The following ZNF398 variants were observed in gnomAD, a reference collection of about 807,000 sequenced individuals.
ZNF398 encodes the protein zinc finger protein 398, also known as zinc finger DNA binding protein ZER6.
In ZNF398, 18 loss-of-function variants were observed where a neutral mutation model predicts 41.9. The ratio of observed to expected loss-of-function variants is 0.43; its 90% CI spans 0.30 to 0.64. The LOEUF (loss-of-function observed/expected upper bound fraction) is 0.64, where lower values mean the gene tolerates loss of function less well. ZNF398 is among the 30% of genes least tolerant of loss of function. ZNF398 has a pLI of 0.14. For synonymous variants in ZNF398, 260 were observed against 308.8 expected (o/e 0.84, Z 1.66); for missense variants, 669 against 822.8 (o/e 0.81, Z 2.29).
rs764525821 is a variant in ZNF398 at position 149,154,282 on chromosome 7, G to T, written c.362G>T (p.Arg121Leu). ...RRLENLENLL[R>L]NRNFWILRLP... ...CTGGAGAACTTGGAGAACCTGCTGC[G>T]CAACAGGAACTTCTGGATCCTGCGG... The change falls in exon 2 of 6, where the codon CGC (arginine) becomes CTC (leucine). Residue 121 changes from arginine to leucine, a missense_variant. Coordinates refer to ENST00000475153, the MANE Select transcript of ZNF398 (RefSeq NM_170686.3). 24 of 1,613,948 alleles carry T rather than the reference G, an allele frequency of 1.5e-5. No homozygotes were observed. Among genetic ancestry groups the T allele is most frequent in the African/African-American group, 1.2e-4 (9 of 74,912 alleles).
intron 2 of ZNF398, among the ~76,000 whole-genome samples, chr7:149,133,925 A>G (rs1197114683): frequency 5.3e-5 from 7 of 133,326 alleles, no homozygotes; most frequent in Non-Finnish European, 8.0e-5. Flanking sequence ...CTAATTTTGT[A>G]TTTTTAGTAG....
chr7:149,173,547 T>C (rs183274277), intron 4 of ZNF398, among the ~76,000 whole-genome samples: 180 of 152,292 alleles, frequency 1.2e-3, no homozygotes, highest in Non-Finnish European at 1.9e-3. Context: ...GTAGAATGGA[T>C]GTTGTTTTAC....
chr7:149,151,543 T>C (rs951998002), intron 1 of ZNF398, among the ~76,000 whole-genome samples: 1 of 152,198 alleles, frequency 6.6e-6, no homozygotes, highest in East Asian at 1.9e-4. Flanking sequence ...CCTTTTATAC[T>C]ACTCTTTGTT....
At chr7:149,135,879 C>T (rs1396513936) in intron 2 of ZNF398, among the ~76,000 whole-genome samples, 1 of 152,016 alleles carries the variant, frequency 6.6e-6, no homozygotes, top group Non-Finnish European at 1.5e-5. Context: ...TCACTTGACC[C>T]CAGGAGGCGG....
chr7:149,148,687 C>T (rs548060161), intron 1 of ZNF398, among the ~76,000 whole-genome samples: 29 of 152,116 alleles, frequency 1.9e-4, no homozygotes, highest in Admixed American at 1.9e-3. Context: ...CTGTGTTGTG[C>T]CAGTCCTGGC....
intron 2 of ZNF398, among the ~76,000 whole-genome samples, chr7:149,138,200 T>A (rs777977438): frequency 1.4e-4 from 19 of 132,248 alleles, no homozygotes; most frequent in Non-Finnish European, 2.5e-4. Context: ...AAACTCTGTC[T>A]CAAAAAAAAA....
chr7:149,148,639 C>CT (rs200063020), intron 1 of ZNF398: 171 of 232,656 alleles, frequency 7.3e-4, no homozygotes, highest in Non-Finnish European at 9.5e-4. Flanking sequence ...TTTTTCCAAC[C>CT]TTTTTTTTTG....
chr7:149,144,587 AT>A (rs566119090), upstream of ZNF398, among the ~76,000 whole-genome samples: 2,918 of 138,004 alleles, frequency 0.021, 81 homozygotes, highest in African/African-American at 0.071. Context: ...CGGCTACTAC[AT>A]TTTTTTTTTT....
intron 2 of ZNF398, among the ~76,000 whole-genome samples, chr7:149,138,222 A>T (rs1826753835): frequency 6.6e-6 from 1 of 151,694 alleles, no homozygotes; most frequent in South Asian, 2.1e-4. Flanking sequence ...AGAAAAAAAA[A>T]AAGAAAAAAA....
At position 149,178,969 on chromosome 7, in the gene ZNF398, C is replaced by G. The variant is rs905376938; in HGVS notation, c.1097C>G (p.Thr366Ser). 1 of 1,614,066 alleles carries G rather than the reference C, an allele frequency of 6.2e-7. No homozygotes were observed. The highest frequency in any genetic ancestry group is 8.5e-7 in the Non-Finnish European group (1 of 1,180,040). Residue 366 changes from threonine to serine, a missense_variant, in exon 6 of 6, where the codon ACT becomes AGT. By Grantham distance (58) the Thr-to-Ser change is moderately conservative. This residue lies in a region of ZNF398 where 290 missense variants were observed against 292.9 expected (regional missense o/e 0.99). Coordinates refer to ENST00000475153, the MANE Select transcript of ZNF398 (RefSeq NM_170686.3). ...CTGACCCACCAATGTAGCCATGCTA[C>G]TGAGCACCCCTTACCCTGTGCCCAG... ...MLLTHQCSHA[T>S]EHPLPCAQCP...
intron 5 of ZNF398, among the ~76,000 whole-genome samples, chr7:149,177,450 A>G (rs1385680748): frequency 6.6e-6 from 1 of 152,168 alleles, no homozygotes; most frequent in African/African-American, 2.4e-5. Context: ...AAAGGAAAAT[A>G]TGCATCAGTT....
chr7:149,152,630 G>A (rs1267753024), intron 1 of ZNF398, among the ~76,000 whole-genome samples: 2 of 150,186 alleles, frequency 1.3e-5, no homozygotes, highest in African/African-American at 4.9e-5. Context: ...GCAATGATGC[G>A]ATCTCGGCTC....
intron 2 of ZNF398, among the ~76,000 whole-genome samples, chr7:149,159,486 A>C (rs1350020114): frequency 6.6e-6 from 1 of 151,440 alleles, no homozygotes; most frequent in African/African-American, 2.4e-5. Flanking sequence ...CTCTACTAAA[A>C]ATACAAAAAA....
At chr7:149,163,818 C>T (rs1213705050) in intron 2 of ZNF398, among the ~76,000 whole-genome samples, 3 of 152,156 alleles carry the variant, frequency 2.0e-5, no homozygotes, top group Non-Finnish European at 4.4e-5. Context: ...AAGAAATACC[C>T]TGACCAGGCT....
At chr7:149,178,556 T>A in intron 5 of ZNF398, 92 bp from the exon 6 acceptor site, 1 of 1,081,056 alleles carries the variant, frequency 9.3e-7, no homozygotes, top group Non-Finnish European at 1.3e-6. Context: ...TGATCTGAGC[T>A]TCGAGTGATC....
intron 1 of ZNF398, among the ~76,000 whole-genome samples, chr7:149,128,082 T>C (rs1199494088): frequency 6.6e-6 from 1 of 152,210 alleles, no homozygotes; most frequent in Non-Finnish European, 1.5e-5. Flanking sequence ...GTAAAATATT[T>C]AGAAGTTTAT....
rs979527638 is a variant in ZNF398, at chr7:149,180,327, G to A, written c.*526G>A. On this transcript the variant is annotated 3_prime_UTR_variant, in exon 6 of 6. Transcript: ENST00000475153. ...TGCCTCCTCTCTCAAAACCAGCCAA[G>A]ATCTGTTCACACACCTCTGTGGCTG... The A allele has an allele frequency of 6.5e-6, 1 of 152,706 alleles. No individual in the cohort carries two copies. Among genetic ancestry groups the A allele is most frequent in the African/African-American group, 2.4e-5 (1 of 41,478 alleles). The allele number at this position is 152,706 out of a possible 1,614,324, so 9.5% of individuals were successfully genotyped here.
chr7:149,153,897 G>T, intron 1 of ZNF398, 48 bp from the exon 2 acceptor site: 1 of 1,554,654 alleles, frequency 6.4e-7, no homozygotes, highest in Middle Eastern at 1.7e-4. Flanking sequence ...TGGAGTTAGG[G>T]TTCCTTCTAA....
At chr7:149,157,636 G>C (rs1481345191) in intron 2 of ZNF398, among the ~76,000 whole-genome samples, 1 of 151,668 alleles carries the variant, frequency 6.6e-6, no homozygotes, top group East Asian at 1.9e-4. Flanking sequence ...TCAAGAGATC[G>C]AGACCATTGT....
Sources: allele counts gnomAD v4.1 joint callset (sites outside exome capture counted in the v4.1 genomes callset), GRCh38; gene constraint gnomAD v4.1.1; regional missense constraint gnomAD v4.1.1; transcripts MANE v1.5; gene names NCBI Gene and HGNC (gene_info 2026-07-23, HGNC 2026-07-21).